The following ADGRG4 variants were observed in gnomAD, a reference collection of about 807,000 sequenced individuals.
ADGRG4 encodes G protein-coupled receptor 112.
A neutral mutation model predicts 126.2 loss-of-function variants in ADGRG4; 122 were observed. That is an observed-to-expected ratio of 0.97 (90% CI 0.83 to 1.12). The LOEUF is 1.12. Among genes scored for constraint, ADGRG4 ranks in the 50% most tolerant of loss-of-function variants. The probability of loss-of-function intolerance (pLI) is 0.00; values close to 1 mark genes in which losing one functional copy is unlikely to be tolerated. For synonymous variants in ADGRG4, 943 were observed against 838.7 expected (o/e 1.12, Z -2.15); for missense variants, 2,481 against 2,251.8 (o/e 1.10, Z -2.06).
chrX:136,384,452 A>T (rs2075282952), intron 15 of ADGRG4, among the ~76,000 whole-genome samples: 1 of 111,770 alleles, frequency 8.9e-6, no homozygotes, highest in Admixed American at 9.5e-5. Flanking sequence ...TATGTTACTT[A>T]AAAAATTGAG....
chrX:136,305,841 A>G (rs1040504890), intron 3 of ADGRG4, among the ~76,000 whole-genome samples: 42 of 112,175 alleles, frequency 3.7e-4, no homozygotes, highest in African/African-American at 1.2e-3. Flanking sequence ...TCCTTAGTGA[A>G]AACTGGGAAA....
intron 23 of ADGRG4, among the ~76,000 whole-genome samples, chrX:136,408,743 A>C (rs1291161812): frequency 9.0e-6 from 1 of 111,697 alleles, no homozygotes; most frequent in Non-Finnish European, 1.9e-5. Context: ...CAATAATGAG[A>C]TTGCTGAGTC....
intron 5 of ADGRG4, among the ~76,000 whole-genome samples, chrX:136,333,632 C>A (rs984730892): frequency 1.8e-5 from 2 of 111,404 alleles, no homozygotes; most frequent in African/African-American, 6.5e-5. Context: ...ATTCATGTGC[C>A]TCAGCCTCCT....
intron 5 of ADGRG4, among the ~76,000 whole-genome samples, chrX:136,339,725 C>T (rs2074968683): frequency 8.9e-6 from 1 of 112,293 alleles, no homozygotes; most frequent in African/African-American, 3.2e-5. Flanking sequence ...TCATAGTTCT[C>T]CTTTGGTTGT....
chrX:136,323,606 A>ACG (rs1391306643), intron 5 of ADGRG4, among the ~76,000 whole-genome samples: 1 of 109,929 alleles, frequency 9.1e-6, no homozygotes, highest in Non-Finnish European at 1.9e-5. Context: ...ACACACACAC[A>ACG]CACACACACC....
At chrX:136,370,543 T>A (rs1421578190) in intron 13 of ADGRG4, among the ~76,000 whole-genome samples, 1 of 112,311 alleles carries the variant, frequency 8.9e-6, no homozygotes, top group Non-Finnish European at 1.9e-5. Context: ...ATTTAATTTG[T>A]TATTGTGGTC....
intron 15 of ADGRG4, among the ~76,000 whole-genome samples, chrX:136,376,829 C>T (rs1026082788): frequency 9.0e-6 from 1 of 111,279 alleles, no homozygotes; most frequent in Non-Finnish European, 1.9e-5. Flanking sequence ...ATTCGTTTAT[C>T]AGATGTAGGA....
chrX:136,372,800 T>G, intron 14 of ADGRG4, 102 bp from the exon 15 acceptor site: 2 of 811,598 alleles, frequency 2.5e-6, no homozygotes, highest in East Asian at 6.3e-5. Flanking sequence ...AAGATAGTGA[T>G]TAAAACTCAA....
intron 21 of ADGRG4, among the ~76,000 whole-genome samples, chrX:136,402,630 T>C (rs1034321685): frequency 2.1e-4 from 24 of 111,763 alleles, no homozygotes; most frequent in African/African-American, 6.5e-4. Context: ...TTTGCAAATG[T>C]ACAAGAAATT....
intron 5 of ADGRG4, among the ~76,000 whole-genome samples, chrX:136,329,226 C>T (rs773263781): frequency 6.3e-5 from 7 of 111,414 alleles, no homozygotes; most frequent in African/African-American, 9.8e-5. Flanking sequence ...TGGGCTAGAA[C>T]GACACATAGA....
At position 136,349,073 on chromosome X, in the gene ADGRG4, T is replaced by A; in HGVS notation, c.5367T>A (p.Asn1789Lys). The change falls in exon 6 of 26, where the codon AAT becomes AAA. Residue 1789 changes from asparagine to lysine, a missense_variant. Transcript: ENST00000394143. ...GPTKNVKTTT[N>K]CFSSNTRKMT... ...CAAAAAATGTTAAAACAACCACCAATTGCTTTTCTTCTAATACTAGAAAGA... is the reference window on the plus strand; with the variant it reads ...CAAAAAATGTTAAAACAACCACCAAATGCTTTTCTTCTAATACTAGAAAGA... 8.3e-7 allele frequency: 1 copy of A among 1,206,580 alleles called. No homozygotes were observed. Among genetic ancestry groups the A allele is most frequent in the East Asian group, 3.0e-5 (1 of 33,774 alleles).
intron 1 of ADGRG4, 98 bp downstream of exon 1, chrX:136,301,098 A>G (rs1320149965): frequency 8.9e-6 from 1 of 112,274 alleles, no homozygotes; most frequent in Non-Finnish European, 1.9e-5. Flanking sequence ...TTGGGTATAT[A>G]CCCAGTAATG....
At chrX:136,333,710 G>A (rs1165161418) in intron 5 of ADGRG4, among the ~76,000 whole-genome samples, 1 of 109,930 alleles carries the variant, frequency 9.1e-6, no homozygotes, top group Admixed American at 9.7e-5. Context: ...TAGAGATGAG[G>A]TCTCACCATG....
At chrX:136,384,854 C>A (rs1167358422) in intron 15 of ADGRG4, among the ~76,000 whole-genome samples, 1 of 110,101 alleles carries the variant, frequency 9.1e-6, no homozygotes. Flanking sequence ...AAAATATTTT[C>A]TTTGATATTC....
intron 11 of ADGRG4, among the ~76,000 whole-genome samples, chrX:136,360,833 T>C (rs1169930802): frequency 9.0e-6 from 1 of 111,393 alleles, no homozygotes; most frequent in Non-Finnish European, 1.9e-5. Flanking sequence ...CCAGAGTCCA[T>C]TAAGAAGGGG....
chrX:136,360,459 T>C (rs1256767595), intron 11 of ADGRG4, among the ~76,000 whole-genome samples: 1 of 111,461 alleles, frequency 9.0e-6, no homozygotes, highest in Non-Finnish European at 1.9e-5. Context: ...AACAGAGCCC[T>C]AGACTGTGTG....
chrX:136,360,117 G>A (rs4829831), intron 11 of ADGRG4, among the ~76,000 whole-genome samples: 5,665 of 111,035 alleles, frequency 0.051, 128 homozygotes, highest in Middle Eastern at 0.11. Flanking sequence ...GAAATGGGGG[G>A]CAGAAACGTG....
At chrX:136,316,433 G>A (rs2074805308) in intron 4 of ADGRG4, among the ~76,000 whole-genome samples, 1 of 110,236 alleles carries the variant, frequency 9.1e-6, no homozygotes, top group African/African-American at 3.3e-5. Context: ...ATCTCTTAGA[G>A]TTTTAAACCA....
At chrX:136,350,933 G>A (rs1196603954) in intron 6 of ADGRG4, among the ~76,000 whole-genome samples, 1 of 111,573 alleles carries the variant, frequency 9.0e-6, no homozygotes, top group Non-Finnish European at 1.9e-5. Context: ...GCTTGTCCAA[G>A]GCCAGGGAAT....
Sources: gnomAD v4.1 joint callset for allele counts (sites outside exome capture counted in the v4.1 genomes callset) on GRCh38, gnomAD v4.1.1 for gene constraint, MANE v1.5 for transcripts, NCBI Gene and HGNC (gene_info 2026-07-23, HGNC 2026-07-21) for gene names.